The following GRID1 variants were observed in gnomAD, a reference collection of about 807,000 sequenced individuals.
GRID1 encodes glutamate receptor ionotropic, delta-1.
A neutral mutation model predicts 98.0 loss-of-function variants in GRID1; 28 were observed. The ratio of observed to expected loss-of-function variants is 0.29; its 90% confidence interval spans 0.21 to 0.39. GRID1 has a LOEUF of 0.39. GRID1 is among the 10% of genes least tolerant of loss of function. The pLI, the probability that GRID1 is intolerant of heterozygous loss-of-function variation, is 1.00. For synonymous variants in GRID1, 553 were observed against 538.5 expected (o/e 1.03, Z -0.37); for missense variants, 1,111 against 1,340.5 (o/e 0.83, Z 2.67).
chr10:86,200,827 G>C (rs543641184), intron 3 of GRID1, among the ~76,000 whole-genome samples: 1 of 152,262 alleles, frequency 6.6e-6, no homozygotes, highest in South Asian at 2.1e-4. Context: ...GATGTGAAAA[G>C]ATACCCAACC....
rs191942377 is a variant in GRID1 at position 85,604,832 on chromosome 10, T to A, written c.2602-2131A>T. On this transcript the variant is annotated intron_variant, in intron 15 of 15. Transcript: ENST00000327946. ...TTATAACCGTTATACAGTGTGTTAG[T>A]GGCTTAGCGCCACTCAGCATCAATG... is the stretch of plus-strand genomic sequence containing the variant. Among the ~76,000 whole-genome samples, 257 of 152,372 alleles carry A rather than the reference T, an allele frequency of 1.7e-3. 1 individual carries two copies. The highest frequency in any genetic ancestry group is 2.4e-3 in the Non-Finnish European group (162 of 68,044).
chr10:85,977,303 A>G (rs1371728399), intron 4 of GRID1, among the ~76,000 whole-genome samples: 5 of 152,232 alleles, frequency 3.3e-5, no homozygotes, highest in Non-Finnish European at 7.3e-5. Flanking sequence ...GAGGTAGCAC[A>G]GAATCTGTCC....
chr10:85,862,550 TG>T (rs1230174625), intron 6 of GRID1, among the ~76,000 whole-genome samples: 1 of 151,828 alleles, frequency 6.6e-6, no homozygotes, highest in Non-Finnish European at 1.5e-5. Flanking sequence ...ATGCAGGAGG[TG>T]GGTCCTCAGA....
At chr10:85,739,079 TTA>T (rs142267372) in intron 8 of GRID1, among the ~76,000 whole-genome samples, 22 of 151,554 alleles carry the variant, frequency 1.5e-4, no homozygotes, top group Non-Finnish European at 2.7e-4. Flanking sequence ...TATAAAATCA[TTA>T]TATATATATA....
intron 8 of GRID1, among the ~76,000 whole-genome samples, chr10:85,851,366 T>C (rs1172152868): frequency 6.6e-6 from 1 of 152,184 alleles, no homozygotes; most frequent in Non-Finnish European, 1.5e-5. Flanking sequence ...AAGCTGATGA[T>C]ATAGACCTTT....
chr10:86,069,079 T>A (rs1843759928), intron 4 of GRID1, among the ~76,000 whole-genome samples: 1 of 151,346 alleles, frequency 6.6e-6, no homozygotes, highest in Admixed American at 6.6e-5. Flanking sequence ...CTGGGGAAGG[T>A]TAGGTTGGGA....
At chr10:85,696,854 A>G (rs1299158969) in intron 12 of GRID1, among the ~76,000 whole-genome samples, 1 of 152,016 alleles carries the variant, frequency 6.6e-6, no homozygotes, top group African/African-American at 2.4e-5. Context: ...CTTTAGCTAA[A>G]TATTTATTAT....
At chr10:85,809,583 A>T (rs984037011) in intron 8 of GRID1, among the ~76,000 whole-genome samples, 2 of 152,214 alleles carry the variant, frequency 1.3e-5, no homozygotes, top group African/African-American at 2.4e-5. Context: ...TATCAGCAAG[A>T]TGGGTAATTA....
chr10:86,121,484 T>TCATCACCATCATCAC (rs1844669722), intron 4 of GRID1, among the ~76,000 whole-genome samples: 1 of 4,518 alleles, frequency 2.2e-4, no homozygotes, highest in Non-Finnish European at 4.8e-4. Flanking sequence ...ATCACTACCA[T>TCATCACCATCATCAC]CATCACCATC....
At chr10:86,025,984 T>C (rs1843110998) in intron 4 of GRID1, among the ~76,000 whole-genome samples, 1 of 152,218 alleles carries the variant, frequency 6.6e-6, no homozygotes, top group South Asian at 2.1e-4. Context: ...GCAGCCACTT[T>C]CCAAGGCCAC....
At chr10:86,064,762 TA>T (rs1038542477) in intron 4 of GRID1, among the ~76,000 whole-genome samples, 20 of 152,200 alleles carry the variant, frequency 1.3e-4, no homozygotes, top group African/African-American at 4.8e-4. Context: ...CAGAGCATCT[TA>T]TTCCAGGCAT....
At chr10:85,907,982 AT>A (rs1340722625) in intron 5 of GRID1, among the ~76,000 whole-genome samples, 4 of 152,228 alleles carry the variant, frequency 2.6e-5, no homozygotes, top group African/African-American at 7.2e-5. Context: ...ATCCATTATC[AT>A]TTCCTGATAA....
chr10:85,971,220 A>G (rs868195911), intron 4 of GRID1, among the ~76,000 whole-genome samples: 2 of 152,046 alleles, frequency 1.3e-5, no homozygotes, highest in African/African-American at 4.8e-5. Flanking sequence ...AAAAGGTAAA[A>G]TAAAAATAAA....
intron 4 of GRID1, among the ~76,000 whole-genome samples, chr10:86,083,029 C>T (rs1843999518): frequency 6.6e-6 from 1 of 152,194 alleles, no homozygotes; most frequent in African/African-American, 2.4e-5. Flanking sequence ...CATTGCTCAT[C>T]TTTGTCACTA....
intron 3 of GRID1, among the ~76,000 whole-genome samples, chr10:86,149,060 G>GC (rs1845125659): frequency 6.6e-6 from 1 of 152,162 alleles, no homozygotes; most frequent in African/African-American, 2.4e-5. Flanking sequence ...CACAGGGAAC[G>GC]CCCCCAAAAG....
rs574862896 is a variant in GRID1, at chr10:86,182,299, G to A, written c.520+24065C>T. ...CCGGCCCCAAGCAGGGGGCGACTCC[G>A]GGCCACGGAGACTCCAGGCATCAGT... On this transcript the variant is annotated intron_variant, in intron 3 of 15. Transcript: ENST00000327946. Among the ~76,000 whole-genome samples, 563 of 152,332 alleles carry A rather than the reference G, an allele frequency of 3.7e-3. 5 individuals carry two copies. The highest frequency in any genetic ancestry group is 3.3e-3 in the Non-Finnish European group (222 of 68,020).
chr10:85,708,118 A>T lies in GRID1; in HGVS notation c.1997+14885T>A, dbSNP rs551473861. On this transcript the variant is annotated intron_variant, in intron 12 of 15. Coordinates refer to ENST00000327946, the MANE Select transcript of GRID1 (RefSeq NM_017551.3). ...CCCTAAAACTTAAAGTATAATAAAA[A>T]AAAAAAAAAAAAACACAAGATTAGC... Among the ~76,000 whole-genome samples, 45 of 125,634 alleles carry T rather than the reference A, an allele frequency of 3.6e-4. No individual in the cohort carries two copies. In the South Asian group the frequency reaches 5.9e-3, roughly 17 times the overall value. The allele number at this position is 125,634 out of a possible 152,430, so 82.4% of individuals were successfully genotyped here.
intron 2 of GRID1, among the ~76,000 whole-genome samples, chr10:86,224,643 G>A (rs980790599): frequency 1.2e-4 from 18 of 152,224 alleles, no homozygotes; most frequent in African/African-American, 4.1e-4. Flanking sequence ...GGAAGCTAAA[G>A]GAAGGTGTAA....
chr10:85,650,976 T>C (rs1398474609), intron 12 of GRID1, among the ~76,000 whole-genome samples: 1 of 152,166 alleles, frequency 6.6e-6, no homozygotes, highest in Non-Finnish European at 1.5e-5. Flanking sequence ...GCAGTGTCAG[T>C]AGCACCTGGG....
Sources: allele counts gnomAD v4.1 joint callset (sites outside exome capture counted in the v4.1 genomes callset), GRCh38; gene constraint gnomAD v4.1.1; transcripts MANE v1.5; gene names NCBI Gene and HGNC (gene_info 2026-07-23, HGNC 2026-07-21).